Variants in ENTREP2 observed in about 807,000 individuals in gnomAD.
ENTREP2 encodes endosomal transmembrane epsin interactor 2.
the ENTREP2 span, among the ~76,000 whole-genome samples, chr15:29,368,337 A>AAAAAATAT: frequency 1.3e-3 from 186 of 146,158 alleles, 1 homozygote; most frequent in Middle Eastern, 3.5e-3. Flanking sequence ...CAAAAAAAAA[A>AAAAAATAT]ATATATATAT....
chr15:29,389,293 C>T, the ENTREP2 span, among the ~76,000 whole-genome samples: 4 of 152,122 alleles, frequency 2.6e-5, no homozygotes, highest in South Asian at 2.1e-4. Context: ...TATGCTATTT[C>T]GTTATGGCAG....
At chr15:29,330,682 A>G in the ENTREP2 span, among the ~76,000 whole-genome samples, 1 of 152,202 alleles carries the variant, frequency 6.6e-6, no homozygotes, top group Admixed American at 6.5e-5. Context: ...GTTGGATGGT[A>G]TCCTGGGAGA....
the ENTREP2 span, among the ~76,000 whole-genome samples, chr15:29,648,188 A>G: frequency 6.6e-6 from 1 of 152,306 alleles, no homozygotes; most frequent in Admixed American, 6.5e-5. Flanking sequence ...TTAGCTCAAC[A>G]ACATGGGAAG....
chr15:29,258,069 C>T, the ENTREP2 span, among the ~76,000 whole-genome samples: 6 of 151,970 alleles, frequency 3.9e-5, no homozygotes, highest in Non-Finnish European at 7.4e-5. Context: ...AAAAATTAGC[C>T]GGGCGTGCTG....
chr15:29,539,853 G>T, the ENTREP2 span, among the ~76,000 whole-genome samples: 1 of 152,102 alleles, frequency 6.6e-6, no homozygotes, highest in Non-Finnish European at 1.5e-5. Flanking sequence ...ACAGATGACG[G>T]ATGACACTCC....
chr15:29,357,135 A>C, the ENTREP2 span, among the ~76,000 whole-genome samples: 2 of 152,242 alleles, frequency 1.3e-5, no homozygotes, highest in Admixed American at 1.3e-4. Context: ...CACGCATAAA[A>C]GAAGAAAAGA....
At chr15:29,382,282 A>G in the ENTREP2 span, among the ~76,000 whole-genome samples, 76 of 150,344 alleles carry the variant, frequency 5.1e-4, no homozygotes, top group African/African-American at 1.8e-3. Flanking sequence ...AAAAAATCAC[A>G]GAGAACACTA....
the ENTREP2 span, among the ~76,000 whole-genome samples, chr15:29,599,961 C>G: frequency 7.7e-4 from 117 of 152,274 alleles, 1 homozygote; most frequent in African/African-American, 2.6e-3. Context: ...TTTATTAAAA[C>G]CACAAATAAA....
the ENTREP2 span, among the ~76,000 whole-genome samples, chr15:29,431,911 G>A: frequency 1.3e-5 from 2 of 152,144 alleles, no homozygotes; most frequent in Non-Finnish European, 2.9e-5. Flanking sequence ...ACTCTGATGA[G>A]GAAGTCTGAA....
the ENTREP2 span, among the ~76,000 whole-genome samples, chr15:29,556,967 T>C: frequency 6.6e-6 from 1 of 152,158 alleles, no homozygotes; most frequent in African/African-American, 2.4e-5. Context: ...CACCTGGGAG[T>C]GCATAATGCT....
the ENTREP2 span, among the ~76,000 whole-genome samples, chr15:29,674,318 G>A: frequency 1.3e-5 from 2 of 152,148 alleles, no homozygotes; most frequent in East Asian, 3.9e-4. Flanking sequence ...CGCCCAGGCT[G>A]GAGTGCAGTG....
the ENTREP2 span, among the ~76,000 whole-genome samples, chr15:29,359,776 C>A: frequency 6.6e-6 from 1 of 152,162 alleles, no homozygotes; most frequent in Non-Finnish European, 1.5e-5. Context: ...AAATTTGAAA[C>A]CTTTGAGTCT....
chr15:29,272,127 C>T, the ENTREP2 span, among the ~76,000 whole-genome samples: 1 of 152,154 alleles, frequency 6.6e-6, no homozygotes, highest in Admixed American at 6.5e-5. Flanking sequence ...AGTCTCAAAA[C>T]ATCTCTCTAC....
the ENTREP2 span, among the ~76,000 whole-genome samples, chr15:29,653,935 C>T: frequency 6.6e-6 from 1 of 152,156 alleles, no homozygotes; most frequent in East Asian, 1.9e-4. Context: ...TAATGTGTCC[C>T]TTATTACTGG....
At chr15:29,287,955 A>G in the ENTREP2 span, among the ~76,000 whole-genome samples, 1 of 152,234 alleles carries the variant, frequency 6.6e-6, no homozygotes, top group Non-Finnish European at 1.5e-5. Context: ...GGTTAGGAGG[A>G]CACTCATTCG....
chr15:29,135,242 C>T, the ENTREP2 span, among the ~76,000 whole-genome samples: 1 of 152,092 alleles, frequency 6.6e-6, no homozygotes, highest in African/African-American at 2.4e-5. This position sits in a 1 kb window ranked among gnomAD's most constrained non-coding sequence, Gnocchi z 7.4. Flanking sequence ...CCACCTGTCA[C>T]GGGAGTTCTC....
the ENTREP2 span, among the ~76,000 whole-genome samples, chr15:29,630,909 C>T: frequency 6.6e-6 from 1 of 152,296 alleles, no homozygotes; most frequent in South Asian, 2.1e-4. Flanking sequence ...TCTCGAACTC[C>T]TCACTTCAGG....
the ENTREP2 span, among the ~76,000 whole-genome samples, chr15:29,370,177 C>A: frequency 1.3e-5 from 2 of 152,110 alleles, no homozygotes; most frequent in Admixed American, 6.6e-5. Flanking sequence ...ATTAAACTCT[C>A]CAATTAAAAG....
the ENTREP2 span, among the ~76,000 whole-genome samples, chr15:29,142,771 G>T: frequency 5.3e-5 from 8 of 152,196 alleles, no homozygotes; most frequent in Non-Finnish European, 1.0e-4. Flanking sequence ...ACATGTCATA[G>T]TAGATGATAT....
Sources: allele counts gnomAD v4.1 joint callset (sites outside exome capture counted in the v4.1 genomes callset), GRCh38; gene constraint gnomAD v4.1.1; non-coding constraint Gnocchi (gnomAD v3.1); transcripts MANE v1.5; gene names NCBI Gene and HGNC (gene_info 2026-07-23, HGNC 2026-07-21).